MARK1: variants seen among roughly 807,000 people sequenced by gnomAD.
The protein encoded by MARK1 is serine/threonine-protein kinase MARK1.
Under a neutral mutation model 96.3 loss-of-function variants are expected in MARK1, and 40 were observed. The observed-to-expected ratio is 0.42, with a 90% CI of 0.32 to 0.54. MARK1 has a LOEUF of 0.54. Ranked by LOEUF, MARK1 falls within the 20% of genes least tolerant of loss-of-function variation. The pLI is 0.16. For synonymous variants in MARK1, 317 were observed against 341.2 expected, an observed-to-expected ratio of 0.93 and a Z score of 0.78; for missense variants, 719 against 984.6, an observed-to-expected ratio of 0.73 and a Z score of 3.61.
At chr1:220,542,286 G>A (rs1226101776) in intron 1 of MARK1, among the ~76,000 whole-genome samples, 2 of 152,074 alleles carry the variant, frequency 1.3e-5, no homozygotes, top group Non-Finnish European at 2.9e-5. Flanking sequence ...TTAATATATA[G>A]TAATTTGTTT....
chr1:220,588,835 C>T (rs1664812547), intron 3 of MARK1, among the ~76,000 whole-genome samples: 1 of 152,176 alleles, frequency 6.6e-6, no homozygotes, highest in African/African-American at 2.4e-5. Context: ...AAACCACACC[C>T]ACACTTCATA....
intron 1 of MARK1, among the ~76,000 whole-genome samples, chr1:220,552,834 C>T (rs1425539193): frequency 6.6e-6 from 1 of 152,160 alleles, no homozygotes; most frequent in African/African-American, 2.4e-5. Flanking sequence ...GTAACCTTCT[C>T]TTACCCACCT....
intron 6 of MARK1, among the ~76,000 whole-genome samples, chr1:220,610,434 C>A (rs1425404094): frequency 2.0e-5 from 3 of 152,168 alleles, no homozygotes; most frequent in Non-Finnish European, 4.4e-5. Context: ...ACTGTTTATT[C>A]TACTTAGCCA....
chr1:220,546,845 G>A (rs576181993), intron 1 of MARK1, among the ~76,000 whole-genome samples: 15 of 152,106 alleles, frequency 9.9e-5, no homozygotes, highest in African/African-American at 2.9e-4. Flanking sequence ...GGCGGCGTGC[G>A]CCTGTAGTCC....
intron 3 of MARK1, among the ~76,000 whole-genome samples, chr1:220,593,082 T>C (rs188881672): frequency 6.0e-4 from 91 of 152,290 alleles, no homozygotes; most frequent in African/African-American, 2.1e-3. Context: ...AGATATATAA[T>C]AGCAATAATA....
intron 3 of MARK1, among the ~76,000 whole-genome samples, chr1:220,582,894 A>G (rs1664330875): frequency 6.6e-6 from 1 of 152,204 alleles, no homozygotes; most frequent in African/African-American, 2.4e-5. Context: ...GACTCACTAA[A>G]TGTAGCCAGT....
chr1:220,581,091 T>G lies in MARK1; in HGVS notation c.282T>G (p.Thr94=). ...TTGCTGTGAAAATAATAGACAAAAC[T>G]CAGCTAAATCCTACCAGTCTACAAA... ...REVAVKIIDK[T]QLNPTSLQKL... The change falls in exon 3 of 18, where the codon ACT becomes ACG. Residue 94 remains threonine, a synonymous_variant. Transcript: ENST00000366917. The G allele has an allele frequency of 7.8e-7, 1 of 1,290,298 alleles. No individual in the cohort carries two copies. The highest frequency in any genetic ancestry group is 1.0e-6 in the Non-Finnish European group (1 of 970,938). The allele number at this position is 1,290,298 out of a possible 1,614,324, so 79.9% of individuals were successfully genotyped here.
chr1:220,599,591 A>G (rs1665603749), intron 4 of MARK1, among the ~76,000 whole-genome samples: 2 of 152,088 alleles, frequency 1.3e-5, no homozygotes, highest in Non-Finnish European at 2.9e-5. Context: ...TTTCAACTCA[A>G]GAAGTTGGTT....
chr1:220,622,092 C>T (rs1025024088), intron 9 of MARK1, among the ~76,000 whole-genome samples: 1 of 152,122 alleles, frequency 6.6e-6, no homozygotes, highest in African/African-American at 2.4e-5. Context: ...GTTATACTGT[C>T]CTCTCATAAT....
intron 3 of MARK1, among the ~76,000 whole-genome samples, chr1:220,587,414 A>G (rs1260329588): frequency 6.7e-6 from 1 of 150,160 alleles, no homozygotes; most frequent in Non-Finnish European, 1.5e-5. Context: ...TGTTGCCCAG[A>G]CTGGAGTGCA....
At chr1:220,570,513 T>G (rs979437332) in intron 1 of MARK1, among the ~76,000 whole-genome samples, 8 of 152,156 alleles carry the variant, frequency 5.3e-5, no homozygotes, top group African/African-American at 1.4e-4. Context: ...TATTCTTGTT[T>G]CTGTTTTTAT....
rs994521159 is a variant in MARK1 at position 220,586,378 on chromosome 1, C to G, written c.309+5260C>G. 2.6e-5 allele frequency among the ~76,000 whole-genome samples: 4 copies of G among 152,292 alleles called. No homozygotes were observed. In the East Asian group the frequency reaches 7.7e-4, roughly 29 times the overall value. On this transcript the variant is annotated intron_variant, in intron 3 of 17. Transcript: ENST00000366917. ...TTCCCTTAATTAGTCCTTACTCATT[C>G]CTCCCATTTCAGCCTAGAGTCACTT...
intron 11 of MARK1, among the ~76,000 whole-genome samples, chr1:220,632,892 C>T (rs1340569816): frequency 1.3e-5 from 2 of 152,118 alleles, no homozygotes; most frequent in Non-Finnish European, 2.9e-5. Context: ...AAAGAAGTAC[C>T]TGAGACTGGG....
At chr1:220,541,577 C>T (rs1386736177) in intron 1 of MARK1, among the ~76,000 whole-genome samples, 3 of 152,140 alleles carry the variant, frequency 2.0e-5, no homozygotes, top group Non-Finnish European at 4.4e-5. Flanking sequence ...ATGTTTGCTT[C>T]TGTTCTGATG....
At chr1:220,598,652 A>C (rs1336433527) in intron 4 of MARK1, among the ~76,000 whole-genome samples, 1 of 151,938 alleles carries the variant, frequency 6.6e-6, no homozygotes, top group Admixed American at 6.6e-5. Flanking sequence ...GAATTAATGC[A>C]TACAATTTTT....
intron 13 of MARK1, among the ~76,000 whole-genome samples, chr1:220,648,949 ATAATT>A (rs1269503246): frequency 6.6e-6 from 1 of 152,226 alleles, no homozygotes; most frequent in Non-Finnish European, 1.5e-5. Flanking sequence ...AAAGTAGGAA[ATAATT>A]TAAGTGTTCA....
intron 11 of MARK1, among the ~76,000 whole-genome samples, chr1:220,634,816 T>TC (rs1050699517): frequency 3.3e-5 from 5 of 151,574 alleles, no homozygotes; most frequent in Admixed American, 2.0e-4. Flanking sequence ...AATTTCCTGA[T>TC]CAGAAACAGT....
intron 5 of MARK1, among the ~76,000 whole-genome samples, chr1:220,603,818 T>G (rs1665900411): frequency 6.6e-6 from 1 of 152,054 alleles, no homozygotes; most frequent in South Asian, 2.1e-4. Flanking sequence ...GAAAGCAAGT[T>G]TTCTTGGTTG....
chr1:220,651,054 C>G (rs1419330447), intron 14 of MARK1, among the ~76,000 whole-genome samples: 1 of 152,120 alleles, frequency 6.6e-6, no homozygotes, highest in Non-Finnish European at 1.5e-5. Context: ...GCCTCCTTCC[C>G]TTTCACTTCC....
Sources: allele counts gnomAD v4.1 joint callset (sites outside exome capture counted in the v4.1 genomes callset), GRCh38; gene constraint gnomAD v4.1.1; transcripts MANE v1.5; gene names NCBI Gene and HGNC (gene_info 2026-07-23, HGNC 2026-07-21).